ATP2C1: variants seen among roughly 807,000 people sequenced by gnomAD.
ATP2C1 encodes calcium-transporting ATPase type 2C member 1.
In ATP2C1, 31 loss-of-function variants were observed where a neutral mutation model predicts 120.5. That is an observed-to-expected ratio of 0.26 (90% confidence interval 0.19 to 0.35). ATP2C1 has a LOEUF of 0.35. Among genes scored for constraint, ATP2C1 ranks in the 10% least tolerant of loss-of-function variants. The probability of loss-of-function intolerance (pLI) is 1.00; values close to 1 mark genes in which losing one functional copy is unlikely to be tolerated. For synonymous variants in ATP2C1, 351 were observed against 358.7 expected, an observed-to-expected ratio of 0.98 and a Z score of 0.24; for missense variants, 731 against 1,107.5, an observed-to-expected ratio of 0.66 and a Z score of 4.83.
intron 23 of ATP2C1, 27 bp downstream of exon 23, chr3:130,996,138 T>A (rs780957269): frequency 1.4e-6 from 2 of 1,480,088 alleles, no homozygotes; most frequent in Non-Finnish European, 1.9e-6. Flanking sequence ...TTTGTCACCA[T>A]GGGTCTTCTG....
At chr3:130,977,923 T>C (rs1411721027) in intron 18 of ATP2C1, among the ~76,000 whole-genome samples, 1 of 152,208 alleles carries the variant, frequency 6.6e-6, no homozygotes, top group Non-Finnish European at 1.5e-5. Context: ...TTAGAGTATA[T>C]TTTGTTTTAT....
chr3:131,015,801 C>CTCTA (rs1242286883), intron 26 of ATP2C1, among the ~76,000 whole-genome samples: 1 of 152,050 alleles, frequency 6.6e-6, no homozygotes, highest in East Asian at 1.9e-4. Context: ...CAGAAAAAGG[C>CTCTA]TCTACAAAGT....
chr3:130,850,986 T>G, intron 1 of ATP2C1: 1 of 958,910 alleles, frequency 1.0e-6, no homozygotes, highest in Non-Finnish European at 1.4e-6. Context: ...TTGTTGCTTT[T>G]ACGTCGCTTA....
intron 2 of ATP2C1, among the ~76,000 whole-genome samples, chr3:130,918,061 T>G (rs2058763955): frequency 6.6e-6 from 1 of 152,202 alleles, no homozygotes; most frequent in African/African-American, 2.4e-5. Context: ...AAGGATAAGA[T>G]ATAGTGCTCC....
intron 8 of ATP2C1, among the ~76,000 whole-genome samples, chr3:130,949,293 A>T (rs2060271383): frequency 6.6e-6 from 1 of 152,184 alleles, no homozygotes; most frequent in African/African-American, 2.4e-5. Context: ...AAACATTCTT[A>T]TTGTGGATAT....
rs545559980 is a variant in ATP2C1 at position 130,998,371 on chromosome 3, A to G, written c.2469A>G (p.Ala823=). 6 of 1,606,780 alleles carry G rather than the reference A, an allele frequency of 3.7e-6. No homozygotes were observed. The Admixed American group carries it at 5.0e-5, about 13-fold the overall frequency. Reference sequence around the variant, plus strand: ...TTGTGTTTTTTGACATGTTCAATGCACTAAGTTCCAGATCCCAGGTATGTT... The same window carrying G: ...TTGTGTTTTTTGACATGTTCAATGCGCTAAGTTCCAGATCCCAGGTATGTT... ...TCFVFFDMFN[A]LSSRSQTKSV... The change falls in exon 26 of 28, where the codon GCA becomes GCG. Residue 823 remains alanine (A), a synonymous_variant. Transcript: ENST00000510168.
At chr3:130,963,335 A>T (rs1477080597) in intron 12 of ATP2C1, 1 of 154,514 alleles carries the variant, frequency 6.5e-6, no homozygotes, top group Non-Finnish European at 1.4e-5. Context: ...AGTCCCTGGC[A>T]ACCACTCACT....
chr3:130,885,390 CT>C (rs1398934852), intron 1 of ATP2C1, among the ~76,000 whole-genome samples: 2 of 151,886 alleles, frequency 1.3e-5, no homozygotes, highest in African/African-American at 2.4e-5. Flanking sequence ...TATGTGTTTT[CT>C]AGTTGTTTTG....
chr3:130,945,872 C>T (rs1042492282), intron 8 of ATP2C1, among the ~76,000 whole-genome samples: 7 of 149,114 alleles, frequency 4.7e-5, no homozygotes, highest in South Asian at 4.3e-4. Context: ...GAAAAAACAG[C>T]GTGAGGGTCA....
intron 8 of ATP2C1, among the ~76,000 whole-genome samples, chr3:130,946,778 A>C (rs1416663008): frequency 6.6e-6 from 1 of 152,266 alleles, no homozygotes; most frequent in Non-Finnish European, 1.5e-5. Flanking sequence ...ATTTGATAAA[A>C]TGTAAGCATG....
chr3:130,965,029 A>G lies in ATP2C1; in HGVS notation c.1106A>G (p.Asp369Gly). 6.2e-7 allele frequency: 1 copy of G among 1,609,532 alleles called. No homozygotes were observed. Among genetic ancestry groups the G allele is most frequent in the Non-Finnish European group, 8.5e-7 (1 of 1,176,424 alleles). The change falls in exon 14 of 28, where the codon GAT (aspartate) becomes GGT (glycine). Residue 369 changes from aspartate (D) to glycine (G), a missense_variant. By Grantham distance (94) the Asp-to-Gly change is moderately conservative (BLOSUM62 -1). Transcript: ENST00000510168. ...EMTVTHIFTS[D>G]GLHAEVTGVG... ...ACTGTTACTCACATATTTACTTCAG[A>G]TGGTCTGCATGCTGAGGTACTCTAT...
At chr3:130,880,079 T>C (rs911233629) in intron 1 of ATP2C1, among the ~76,000 whole-genome samples, 1 of 152,172 alleles carries the variant, frequency 6.6e-6, no homozygotes, top group African/African-American at 2.4e-5. Context: ...TGGGAATGGA[T>C]GTTTGAGGAT....
chr3:130,941,887 G>A (rs1290183368), intron 8 of ATP2C1, among the ~76,000 whole-genome samples, 188 bp downstream of exon 8: 1 of 151,900 alleles, frequency 6.6e-6, no homozygotes, highest in Non-Finnish European at 1.5e-5. Flanking sequence ...ATCTTTTGAG[G>A]TGTTTGTTTA....
intron 1 of ATP2C1, chr3:130,868,359 G>A (rs1459763626): frequency 1.3e-4 from 17 of 130,314 alleles, no homozygotes; most frequent in Non-Finnish European, 2.8e-4. Context: ...CAGTCGCCCC[G>A]TCCAGGAGGG....
chr3:130,953,792 T>G (rs781627950), intron 8 of ATP2C1, 29 bp from the exon 9 acceptor site: 23 of 1,613,576 alleles, frequency 1.4e-5, no homozygotes, highest in Non-Finnish European at 1.7e-5. Flanking sequence ...GCACAAAATT[T>G]GAATCTGGGA....
At position 130,894,806 on chromosome 3, in the gene ATP2C1, C is replaced by G. The variant is rs376025181; in HGVS notation, c.6+31C>G. On this transcript the variant is annotated intron_variant, in intron 2 of 27. Coordinates refer to ENST00000510168, the MANE Select transcript of ATP2C1 (RefSeq NM_001378687.1). The surrounding 1 kb of genome is among the most constrained non-coding windows in gnomAD (Gnocchi z 4.5). ...GGCCCCTGGCCGACCGGTTGCAACG[C>G]GGAGTTGAGGGTGTGGTGGTTTGCT... 1.9e-6 allele frequency: 3 copies of G among 1,597,042 alleles called. No individual in the cohort carries two copies. The African/African-American group carries it at 4.0e-5, about 21-fold the overall frequency.
At chr3:131,003,602 G>A (rs116627660), downstream of ATP2C1, among the ~76,000 whole-genome samples, 68 of 152,274 alleles carry the variant, frequency 4.5e-4, no homozygotes, top group African/African-American at 1.6e-3. Flanking sequence ...TCACATTTGT[G>A]CTGGACATTG....
Position 130,977,936 on chromosome 3 carries a change from C to T in ATP2C1, c.1571-1313C>T, listed in dbSNP as rs1230040450. 2.6e-4 allele frequency among the ~76,000 whole-genome samples: 40 copies of T among 152,170 alleles called. No individual in the cohort carries two copies. In the East Asian group the frequency reaches 7.5e-3, roughly 29 times the overall value. ...TATTAGAGTATATTTTGTTTTATGT[C>T]AGGGGCTCTCCACATGAAAAAAGTT... On this transcript the variant is annotated intron_variant, in intron 18 of 27. Coordinates refer to ENST00000510168, the MANE Select transcript of ATP2C1 (RefSeq NM_001378687.1).
chr3:130,859,654 T>G (rs1469567381), intron 1 of ATP2C1, among the ~76,000 whole-genome samples: 2 of 152,212 alleles, frequency 1.3e-5, no homozygotes, highest in Non-Finnish European at 2.9e-5. Flanking sequence ...ATCCTTCTTG[T>G]CCACAGCATC....
Sources: allele counts gnomAD v4.1 joint callset (sites outside exome capture counted in the v4.1 genomes callset), GRCh38; gene constraint gnomAD v4.1.1; non-coding constraint Gnocchi (gnomAD v3.1); transcripts MANE v1.5; gene names NCBI Gene and HGNC (gene_info 2026-07-23, HGNC 2026-07-21).